The following GPALPP1 variants were observed in gnomAD, a reference collection of about 807,000 sequenced individuals.
GPALPP1 encodes the protein GPALPP motifs-containing protein 1.
GPALPP1 carries 30 observed loss-of-function variants against 38.9 expected under a neutral mutation model. That is an observed-to-expected ratio of 0.77 (90% CI 0.58 to 1.05). The LOEUF (loss-of-function observed/expected upper bound fraction) is 1.05. Ranked by LOEUF, GPALPP1 falls within the 50% of genes least tolerant of loss-of-function variation. The pLI is 0.00. For missense variants in GPALPP1, 384 were observed against 408.8 expected (o/e 0.94, Z 0.52); for synonymous variants, 120 against 139.2 (o/e 0.86, Z 0.97).
intron 7 of GPALPP1, among the ~76,000 whole-genome samples, chr13:45,024,186 TG>T (rs1875640155): frequency 7.3e-6 from 1 of 137,224 alleles, no homozygotes; most frequent in African/African-American, 2.9e-5. Context: ...TGTGTGTGTG[TG>T]TGTGTGTGTG....
At chr13:45,020,233 T>G in intron 6 of GPALPP1, 97 bp from the exon 7 acceptor site, 1 of 568,544 alleles carries the variant, frequency 1.8e-6, no homozygotes, top group Non-Finnish European at 3.1e-6. Flanking sequence ...GGCTTAGTTG[T>G]GTCTCTTGTT....
intron 3 of GPALPP1, among the ~76,000 whole-genome samples, chr13:45,006,504 AC>A (rs1874111171): frequency 6.6e-6 from 1 of 152,232 alleles, no homozygotes; most frequent in South Asian, 2.1e-4. Context: ...TTCATAGTTT[AC>A]AAAAAACTTC....
chr13:44,994,217 CAAAA>C (rs1165851530), intron 1 of GPALPP1, among the ~76,000 whole-genome samples: 2 of 61,490 alleles, frequency 3.3e-5, no homozygotes, highest in East Asian at 5.0e-4. Context: ...GACCCTGTCT[CAAAA>C]AAAAAAAAAA....
At chr13:45,033,583 A>G (rs1593414255), downstream of GPALPP1, 1 of 152,216 alleles carries the variant, frequency 6.6e-6, no homozygotes, top group African/African-American at 2.4e-5. Context: ...TTTTTTATGT[A>G]TAAATAAAGT....
intron 7 of GPALPP1, among the ~76,000 whole-genome samples, chr13:45,022,913 C>T (rs1300493082): frequency 6.6e-6 from 1 of 152,108 alleles, no homozygotes; most frequent in Non-Finnish European, 1.5e-5. Context: ...TGGTGGCACA[C>T]ACTCAAGGTC....
intron 6 of GPALPP1, among the ~76,000 whole-genome samples, chr13:45,016,179 G>A (rs1307360256): frequency 3.3e-5 from 5 of 152,146 alleles, no homozygotes; most frequent in Non-Finnish European, 5.9e-5. Context: ...CCAGCCGGCC[G>A]CAGTGGCTCA....
chr13:44,994,454 T>C (rs1458755673), intron 1 of GPALPP1, among the ~76,000 whole-genome samples: 1 of 151,780 alleles, frequency 6.6e-6, no homozygotes, highest in Admixed American at 6.6e-5. Flanking sequence ...TGGTGGTGCA[T>C]GCCTGTAATC....
At chr13:45,008,698 T>G in intron 3 of GPALPP1, 97 bp from the exon 4 acceptor site, 1 of 626,954 alleles carries the variant, frequency 1.6e-6, no homozygotes, top group South Asian at 2.2e-5. Context: ...ATTTTCAACA[T>G]TTGTCACTAT....
intron 1 of GPALPP1, among the ~76,000 whole-genome samples, chr13:44,995,856 G>A (rs774224808): frequency 1.3e-5 from 2 of 152,182 alleles, no homozygotes; most frequent in Non-Finnish European, 2.9e-5. Flanking sequence ...TCCTGCTGGT[G>A]CCAAGACCAC....
chr13:44,990,732 C>T (rs1209378462), intron 1 of GPALPP1, among the ~76,000 whole-genome samples: 2 of 152,114 alleles, frequency 1.3e-5, no homozygotes, highest in African/African-American at 4.8e-5. Context: ...CTGGTCTACC[C>T]GGAGGCTATG....
chr13:44,989,752 G>A lies in GPALPP1; in HGVS notation c.88+10G>A, dbSNP rs754002677. On this transcript the variant is annotated intron_variant, in intron 1 of 7. Coordinates refer to ENST00000379151, the MANE Select transcript of GPALPP1 (RefSeq NM_018559.5). ...CGGGACCCGAGCCCTGGTAAGCGGC[G>A]GCGTCTCCGCTGCCCACCAGGCCCA... The A allele has an allele frequency of 2.1e-5, 34 of 1,599,720 alleles. 1 individual carries two copies. In the Middle Eastern group the frequency reaches 8.3e-4, roughly 39 times the overall value.
intron 3 of GPALPP1, among the ~76,000 whole-genome samples, chr13:45,006,729 C>A (rs1240742945): frequency 1.3e-5 from 2 of 152,066 alleles, no homozygotes; most frequent in Non-Finnish European, 2.9e-5. Flanking sequence ...GGACTAACTT[C>A]TCTGAATCTT....
At chr13:45,021,536 G>C (rs144440568) in intron 7 of GPALPP1, among the ~76,000 whole-genome samples, 2,052 of 151,958 alleles carry the variant, frequency 0.014, 58 homozygotes, top group African/African-American at 0.046. Flanking sequence ...TATAATCCCA[G>C]CACTTTGGAA....
In GPALPP1 at chr13:45,024,147, C is replaced by CTGTGTG. The variant is rs58048658; in HGVS notation, c.805-3582_805-3577dup. On this transcript the variant is annotated intron_variant, in intron 7 of 7. Coordinates refer to ENST00000379151, the MANE Select transcript of GPALPP1 (RefSeq NM_018559.5). ...TTTTTGCTTGGTATCCCCTAAAACT[C>CTGTGTG]TGTGTGTGTGTGTGTGTGTGTGTGT... Among the ~76,000 whole-genome samples the CTGTGTG allele has an allele frequency of 2.1e-3, 49 of 23,380 alleles. 2 individuals carry two copies. Among genetic ancestry groups the CTGTGTG allele is most frequent in the Non-Finnish European group, 2.4e-3 (26 of 10,744 alleles). 15.3% of individuals were successfully genotyped at this position (23,380 alleles called of 152,430 possible). A position where few individuals can be genotyped will look rare whatever the true frequency, so the allele number is the denominator to read the frequency against.
chr13:44,991,267 T>A (rs1184754950), intron 1 of GPALPP1, among the ~76,000 whole-genome samples: 1 of 151,686 alleles, frequency 6.6e-6, no homozygotes, highest in African/African-American at 2.4e-5. Context: ...GCCAACATGG[T>A]GAAACCCTGT....
At chr13:44,991,292 C>CA (rs1287871846) in intron 1 of GPALPP1, among the ~76,000 whole-genome samples, 1 of 151,558 alleles carries the variant, frequency 6.6e-6, no homozygotes, top group African/African-American at 2.4e-5. Context: ...ACTAAAAATA[C>CA]AAAAATTAGC....
At chr13:45,013,423 C>G (rs1193875707) in intron 4 of GPALPP1, among the ~76,000 whole-genome samples, 1 of 152,224 alleles carries the variant, frequency 6.6e-6, no homozygotes. Context: ...CAGTTTCCTA[C>G]AGACCTTTTG....
intron 1 of GPALPP1, among the ~76,000 whole-genome samples, chr13:44,997,796 TG>T (rs1359377265): frequency 6.6e-6 from 1 of 152,216 alleles, no homozygotes; most frequent in Non-Finnish European, 1.5e-5. Context: ...TGCTCTCAAC[TG>T]CTTTATCCCA....
downstream of GPALPP1, among the ~76,000 whole-genome samples, chr13:45,032,526 C>T (rs1355282721): frequency 6.6e-6 from 1 of 151,804 alleles, no homozygotes; most frequent in Non-Finnish European, 1.5e-5. Flanking sequence ...CTGCCTCAGC[C>T]TCCCAAGTAG....
Sources: allele counts gnomAD v4.1 joint callset (sites outside exome capture counted in the v4.1 genomes callset), GRCh38; gene constraint gnomAD v4.1.1; transcripts MANE v1.5; gene names NCBI Gene and HGNC (gene_info 2026-07-23, HGNC 2026-07-21).